The following CD58 variants were observed in gnomAD, a reference collection of about 807,000 sequenced individuals.
CD58 encodes CD58 molecule.
CD58 carries 14 observed loss-of-function variants against 27.6 expected under a neutral mutation model. The ratio of observed to expected loss-of-function variants is 0.51; its 90% CI spans 0.34 to 0.79. The LOEUF (loss-of-function observed/expected upper bound fraction) is 0.79. CD58 is among the 30% of genes least tolerant of loss of function. The pLI is 0.02. For missense variants in CD58, 268 were observed against 301.7 expected, an observed-to-expected ratio of 0.89 and a Z score of 0.83; for synonymous variants, 117 against 103.8, an observed-to-expected ratio of 1.13 and a Z score of -0.77.
chr1:116,566,829 A>AAT (rs766074219), intron 1 of CD58, among the ~76,000 whole-genome samples: 6 of 152,048 alleles, frequency 3.9e-5, no homozygotes, highest in Admixed American at 2.0e-4. Context: ...TAAACTAATA[A>AAT]ATATATATAT....
intron 1 of CD58, among the ~76,000 whole-genome samples, chr1:116,554,142 CAAAT>C (rs1270464807): frequency 6.6e-6 from 1 of 152,010 alleles, no homozygotes; most frequent in Non-Finnish European, 1.5e-5. Flanking sequence ...AGGATGTTAA[CAAAT>C]AAAACAATAG....
chr1:116,540,790 A>T (rs1027600842), intron 2 of CD58, among the ~76,000 whole-genome samples: 9 of 151,982 alleles, frequency 5.9e-5, no homozygotes, highest in Non-Finnish European at 1.2e-4. Context: ...GGTGCCATAG[A>T]ATATTTTATT....
At chr1:116,564,071 G>C (rs1658854484) in intron 1 of CD58, among the ~76,000 whole-genome samples, 2 of 152,150 alleles carry the variant, frequency 1.3e-5, no homozygotes, top group African/African-American at 2.4e-5. Flanking sequence ...GCTTTTAACA[G>C]CAACCAAGCC....
intron 3 of CD58, among the ~76,000 whole-genome samples, chr1:116,529,997 T>C (rs1011194983): frequency 1.3e-5 from 2 of 152,228 alleles, no homozygotes; most frequent in African/African-American, 2.4e-5. Flanking sequence ...ATATCTACTA[T>C]GTATATCTAT....
chr1:116,526,255 T>C (rs889941594), intron 3 of CD58, among the ~76,000 whole-genome samples: 6 of 152,234 alleles, frequency 3.9e-5, no homozygotes, highest in Non-Finnish European at 8.8e-5. Context: ...GTGTTGTATC[T>C]AAAAAGTCAT....
intron 4 of CD58, among the ~76,000 whole-genome samples, chr1:116,520,169 C>A (rs1399487636): frequency 6.6e-6 from 1 of 152,234 alleles, no homozygotes; most frequent in Non-Finnish European, 1.5e-5. Context: ...CTCCATCACC[C>A]AGGCTGGAGT....
chr1:116,547,008 T>G (rs1394827246), intron 1 of CD58, among the ~76,000 whole-genome samples: 1 of 152,164 alleles, frequency 6.6e-6, no homozygotes, highest in Admixed American at 6.5e-5. Flanking sequence ...TTAAATTTTT[T>G]TATTACTATT....
chr1:116,544,695 A>T, intron 1 of CD58, 91 bp from the exon 2 acceptor site: 6 of 801,694 alleles, frequency 7.5e-6, no homozygotes, highest in Non-Finnish European at 1.2e-5. Context: ...AAGCTGACAA[A>T]CTGCTGACAC....
At chr1:116,554,801 A>ATTAT (rs1428755423) in intron 1 of CD58, among the ~76,000 whole-genome samples, 15 of 152,150 alleles carry the variant, frequency 9.9e-5, no homozygotes, top group Admixed American at 9.8e-4. Flanking sequence ...TTTAAATAGA[A>ATTAT]TTATTCAACC....
At chr1:116,556,398 T>C (rs1332244239) in intron 1 of CD58, among the ~76,000 whole-genome samples, 1 of 152,216 alleles carries the variant, frequency 6.6e-6, no homozygotes, top group African/African-American at 2.4e-5. Flanking sequence ...CTGGACAATC[T>C]GACTGCAGAA....
In CD58 at chr1:116,563,967, G is replaced by C. The variant is rs989908388; in HGVS notation, c.70+6936C>G. 7.9e-5 allele frequency among the ~76,000 whole-genome samples: 12 copies of C among 152,124 alleles called. No individual in the cohort carries two copies. The highest frequency in any genetic ancestry group is 6.5e-4 in the Admixed American group (10 of 15,274). ...GGTTTTTCTTTTCTATTGCATCATT[G>C]GGCTGCAAATTTTTTGAACTTTTAT... is the stretch of plus-strand genomic sequence containing the variant. On this transcript the variant is annotated intron_variant, in intron 1 of 5. Transcript: ENST00000369489. The surrounding 1 kb of genome is among the most constrained non-coding windows in gnomAD (Gnocchi z 4.1).
intron 3 of CD58, among the ~76,000 whole-genome samples, chr1:116,525,998 G>A (rs190700101): frequency 8.5e-5 from 13 of 152,192 alleles, no homozygotes; most frequent in African/African-American, 2.9e-4. Flanking sequence ...TACCTTCCTT[G>A]GAGAAGTGTG....
intron 1 of CD58, among the ~76,000 whole-genome samples, chr1:116,549,176 T>G (rs751129020): frequency 6.6e-6 from 1 of 152,162 alleles, no homozygotes; most frequent in Non-Finnish European, 1.5e-5. Context: ...CTTCTTAGAG[T>G]TGACATTCTA....
rs1657615451 is a variant in CD58, at chr1:116,531,694, G to C, written c.628+4271C>G. ...CCTCTGTGGGTTTGATCTTTTCTCTGTCTTCAAAAATCAAATCTATCAGTT... is the reference window on the plus strand; with the variant it reads ...CCTCTGTGGGTTTGATCTTTTCTCTCTCTTCAAAAATCAAATCTATCAGTT... On this transcript the variant is annotated intron_variant, in intron 3 of 5. Coordinates refer to ENST00000369489, the MANE Select transcript of CD58 (RefSeq NM_001779.3). The surrounding 1 kb of genome is among the most constrained non-coding windows in gnomAD (Gnocchi z 4.5). 6.6e-6 allele frequency among the ~76,000 whole-genome samples: 1 copy of C among 152,072 alleles called. No individual in the cohort carries two copies. The highest frequency in any genetic ancestry group is 1.5e-5 in the Non-Finnish European group (1 of 68,012).
rs1041184628 is a variant in CD58, at chr1:116,523,266, A to G, written c.629-1283T>C. Among the ~76,000 whole-genome samples, 5 of 152,206 alleles carry G rather than the reference A, an allele frequency of 3.3e-5. No homozygotes were observed. Among genetic ancestry groups the G allele is most frequent in the African/African-American group, 1.2e-4 (5 of 41,464 alleles). On this transcript the variant is annotated intron_variant, in intron 3 of 5. Coordinates refer to ENST00000369489, the MANE Select transcript of CD58 (RefSeq NM_001779.3). The surrounding 1 kb of genome is among the most constrained non-coding windows in gnomAD (Gnocchi z 4.4). ...CACAAAAAACTGTGGTATGTTCACA[A>G]GGTAAACTCTATCCAGCTATTGAAA...
chr1:116,566,837 T>G (rs994934230), intron 1 of CD58, among the ~76,000 whole-genome samples: 5 of 151,702 alleles, frequency 3.3e-5, no homozygotes, highest in African/African-American at 1.2e-4. Flanking sequence ...TAAATATATA[T>G]ATAGAGAGAA....
In CD58 at chr1:116,515,726, G is replaced by A. The variant is rs1571053103; in HGVS notation, c.744-904C>T. On this transcript the variant is annotated intron_variant, in intron 5 of 5. Transcript: ENST00000369489. The surrounding 1 kb of genome is among the most constrained non-coding windows in gnomAD (Gnocchi z 4.6). ...CCACCTGTAAATCTTTCTTCTCGGAGAAATAGGACTCCCTGCTTCCTTTTT... is the reference window on the plus strand; with the variant it reads ...CCACCTGTAAATCTTTCTTCTCGGAAAAATAGGACTCCCTGCTTCCTTTTT... 1.3e-5 allele frequency among the ~76,000 whole-genome samples: 2 copies of A among 152,268 alleles called. No individual in the cohort carries two copies. Among genetic ancestry groups the A allele is most frequent in the East Asian group, 3.9e-4 (2 of 5,184 alleles).
At chr1:116,568,005 G>A (rs115004151) in intron 1 of CD58, among the ~76,000 whole-genome samples, 40 of 145,728 alleles carry the variant, frequency 2.7e-4, no homozygotes, top group African/African-American at 9.8e-4. Context: ...AGGGACATTC[G>A]GTAAAGCAAC....
At chr1:116,560,712 A>G (rs899064169) in intron 1 of CD58, among the ~76,000 whole-genome samples, 3 of 152,234 alleles carry the variant, frequency 2.0e-5, no homozygotes, top group Non-Finnish European at 4.4e-5. Context: ...ACTAGAACCT[A>G]TAAAGTAACC....
Sources: allele counts gnomAD v4.1 joint callset (sites outside exome capture counted in the v4.1 genomes callset), GRCh38; gene constraint gnomAD v4.1.1; non-coding constraint Gnocchi (gnomAD v3.1); transcripts MANE v1.5; gene names NCBI Gene and HGNC (gene_info 2026-07-23, HGNC 2026-07-21).